Variants in LRFN5 observed in about 807,000 individuals in gnomAD.
The protein encoded by LRFN5 is leucine-rich repeat and fibronectin type-III domain-containing protein 5.
In LRFN5, 24 loss-of-function variants were observed where a neutral mutation model predicts 45.6. The ratio of observed to expected loss-of-function variants is 0.53; its 90% confidence interval spans 0.38 to 0.74. The LOEUF is 0.74. Among genes scored for constraint, LRFN5 ranks in the 30% least tolerant of loss-of-function variants. The pLI is 0.00. For synonymous variants in LRFN5, 340 were observed against 313.8 expected (o/e 1.08, Z -0.88); for missense variants, 776 against 861.5 (o/e 0.90, Z 1.24).
At chr14:41,689,078 G>A (rs1200000248) in intron 1 of LRFN5, among the ~76,000 whole-genome samples, 3 of 151,454 alleles carry the variant, frequency 2.0e-5, no homozygotes. Flanking sequence ...TTGGGCAACA[G>A]AGTGAGAACC....
intron 2 of LRFN5, among the ~76,000 whole-genome samples, chr14:41,873,448 A>G (rs975958338): frequency 6.7e-6 from 1 of 148,746 alleles, no homozygotes; most frequent in Non-Finnish European, 1.5e-5. Flanking sequence ...AGAGAGAGAG[A>G]AGGAGAGAGA....
At chr14:41,852,973 A>T (rs1889324144) in intron 2 of LRFN5, among the ~76,000 whole-genome samples, 1 of 151,982 alleles carries the variant, frequency 6.6e-6, no homozygotes, top group Admixed American at 6.6e-5. Flanking sequence ...TCCCATTATA[A>T]GATAATTAAA....
At chr14:41,814,266 G>A (rs1240541784) in intron 2 of LRFN5, among the ~76,000 whole-genome samples, 2 of 151,978 alleles carry the variant, frequency 1.3e-5, no homozygotes, top group African/African-American at 4.8e-5. Flanking sequence ...ATTGGATTTA[G>A]AAAGCCAATG....
chr14:41,776,776 C>T (rs545773549), intron 2 of LRFN5, among the ~76,000 whole-genome samples: 2 of 151,972 alleles, frequency 1.3e-5, no homozygotes, highest in African/African-American at 2.4e-5. Context: ...CTTGTTTAAG[C>T]TATCTTTCTC....
chr14:41,762,597 A>G (rs1042631418), intron 1 of LRFN5, among the ~76,000 whole-genome samples: 5 of 151,988 alleles, frequency 3.3e-5, no homozygotes, highest in Admixed American at 6.6e-5. Context: ...GCTTTAACAA[A>G]CTCATTAATA....
intron 1 of LRFN5, among the ~76,000 whole-genome samples, chr14:41,750,808 G>T (rs1436245134): frequency 3.3e-5 from 5 of 152,022 alleles, no homozygotes; most frequent in Non-Finnish European, 7.4e-5. Flanking sequence ...GAGCACACAG[G>T]GGAAACTGCC....
chr14:41,793,561 G>T (rs1289775928), intron 2 of LRFN5, among the ~76,000 whole-genome samples: 3 of 151,874 alleles, frequency 2.0e-5, no homozygotes, highest in Non-Finnish European at 4.4e-5. Flanking sequence ...CTGCCTCCTG[G>T]TAGGGCAACA....
At chr14:41,839,113 G>A (rs1888767629) in intron 2 of LRFN5, among the ~76,000 whole-genome samples, 1 of 152,012 alleles carries the variant, frequency 6.6e-6, no homozygotes, top group Admixed American at 6.6e-5. Context: ...ACTGAACAGA[G>A]TTTTAATTTC....
At chr14:41,899,141 T>C (rs1267355673) in intron 5 of LRFN5, among the ~76,000 whole-genome samples, 181 bp downstream of exon 5, 1 of 152,160 alleles carries the variant, frequency 6.6e-6, no homozygotes, top group Non-Finnish European at 1.5e-5. Flanking sequence ...ATTCACAGTT[T>C]CTAAATTTAG....
intron 2 of LRFN5, among the ~76,000 whole-genome samples, chr14:41,864,119 G>A (rs1566491178): frequency 1.3e-5 from 2 of 152,262 alleles, no homozygotes; most frequent in South Asian, 2.1e-4. Flanking sequence ...TGTGAATAGT[G>A]CTACAATAAA....
rs115912696 is a variant in LRFN5, at chr14:41,695,906, A to C, written c.-196-70948A>C. Among the ~76,000 whole-genome samples the C allele has an allele frequency of 3.1e-3, 464 of 152,062 alleles. 2 individuals are homozygous for C. The highest frequency in any genetic ancestry group is 0.011 in the African/African-American group (443 of 41,538). ...TTATTTAAGAACTGTATTTCATAAG[A>C]CTGTTGCTGCCATTGATAGTGATTT... is the stretch of plus-strand genomic sequence containing the variant. On this transcript the variant is annotated intron_variant, in intron 1 of 5. Coordinates refer to ENST00000298119, the MANE Select transcript of LRFN5 (RefSeq NM_152447.5).
At chr14:41,865,233 T>C (rs1004605120) in intron 2 of LRFN5, among the ~76,000 whole-genome samples, 1 of 152,050 alleles carries the variant, frequency 6.6e-6, no homozygotes, top group African/African-American at 2.4e-5. Flanking sequence ...CCACTCCCCA[T>C]GCCCCATCCC....
chr14:41,904,420 A>G lies in LRFN5; in HGVS notation c.*245A>G. The G allele has an allele frequency of 4.5e-6, 2 of 440,222 alleles. No homozygotes were observed. The highest frequency in any genetic ancestry group is 6.9e-5 in the East Asian group (2 of 28,816). The allele number at this position is 440,222 out of a possible 1,614,324, so 27.3% of individuals were successfully genotyped here. On this transcript the variant is annotated 3_prime_UTR_variant, in exon 6 of 6. Coordinates refer to ENST00000298119, the MANE Select transcript of LRFN5 (RefSeq NM_152447.5). Reference sequence around the variant, plus strand: ...CCTACAAGTATTTTTTTTTTAAAAAAGAAAAAAAGCCTACATTGGCATCAA... The same window carrying G: ...CCTACAAGTATTTTTTTTTTAAAAAGGAAAAAAAGCCTACATTGGCATCAA...
chr14:41,645,752 T>C (rs562812697), intron 1 of LRFN5, among the ~76,000 whole-genome samples: 1 of 152,298 alleles, frequency 6.6e-6, no homozygotes, highest in African/African-American at 2.4e-5. Context: ...CTCCTAGAAA[T>C]TGATTGCAAT....
At chr14:41,817,163 C>T (rs1256718102) in intron 2 of LRFN5, among the ~76,000 whole-genome samples, 1 of 152,026 alleles carries the variant, frequency 6.6e-6, no homozygotes, top group Non-Finnish European at 1.5e-5. Context: ...TCTCTGCTTA[C>T]ATTGTCTCTG....
At chr14:41,699,664 A>G (rs1007763268) in intron 1 of LRFN5, 1 of 152,096 alleles carries the variant, frequency 6.6e-6, no homozygotes, top group Non-Finnish European at 1.5e-5. Context: ...GCGTTTACTC[A>G]TCTGTTTATG....
chr14:41,795,469 C>T (rs1019865057), intron 2 of LRFN5, among the ~76,000 whole-genome samples: 5 of 152,206 alleles, frequency 3.3e-5, no homozygotes, highest in Admixed American at 1.3e-4. Context: ...TATAAAGACA[C>T]ATGCACACGT....
rs1449409929 is a variant in LRFN5 at position 41,755,283 on chromosome 14, G to T, written c.-196-11571G>T. Among the ~76,000 whole-genome samples the T allele has an allele frequency of 6.6e-5, 10 of 152,228 alleles. No individual in the cohort carries two copies. The East Asian group carries it at 1.7e-3, about 27-fold the overall frequency. On this transcript the variant is annotated intron_variant, in intron 1 of 5. Coordinates refer to ENST00000298119, the MANE Select transcript of LRFN5 (RefSeq NM_152447.5). ...AGTTCTGTAGATGTCTATTAGGTCC[G>T]CTTGGTGCAGAGCTGAGTTAAGTTC...
Position 41,758,306 on chromosome 14 carries a change from G to C in LRFN5, c.-196-8548G>C, listed in dbSNP as rs1282351875. Reference sequence around the variant, plus strand: ...TTCTGGATGTATCTTTTCTATTAATGAATGCTGAGATTGCAGTCCTGAAAC... The same window carrying C: ...TTCTGGATGTATCTTTTCTATTAATCAATGCTGAGATTGCAGTCCTGAAAC... On this transcript the variant is annotated intron_variant, in intron 1 of 5. Transcript: ENST00000298119. Among the ~76,000 whole-genome samples the C allele has an allele frequency of 6.6e-5, 10 of 152,214 alleles. No homozygotes were observed. The East Asian group carries it at 1.9e-3, about 29-fold the overall frequency.
Sources: allele counts gnomAD v4.1 joint callset (sites outside exome capture counted in the v4.1 genomes callset), GRCh38; gene constraint gnomAD v4.1.1; transcripts MANE v1.5; gene names NCBI Gene and HGNC (gene_info 2026-07-23, HGNC 2026-07-21).